Variants in NLRP3 observed in about 807,000 individuals in gnomAD.
NLRP3 encodes NLR family pyrin domain containing 3, also known as NACHT, LRR and PYD domains-containing protein 3.
In NLRP3, 48 loss-of-function variants were observed where a neutral mutation model predicts 91.3. The observed-to-expected ratio is 0.53, with a 90% CI of 0.42 to 0.67. The LOEUF is 0.67. Among genes scored for constraint, NLRP3 ranks in the 30% least tolerant of loss-of-function variants. The pLI is 0.00. For missense variants in NLRP3, 982 were observed against 1,276.9 expected (o/e 0.77, Z 3.52); for synonymous variants, 561 against 507.9 (o/e 1.10, Z -1.41).
Position 247,425,316 on chromosome 1 carries a change from CCCAG to C in NLRP3, c.1873_1876del (p.Gln625TrpfsTer94). 1 of 1,614,054 alleles carries C rather than the reference CCCAG, an allele frequency of 6.2e-7. No homozygotes were observed. The highest frequency in any genetic ancestry group is 1.7e-5 in the Admixed American group (1 of 59,998). ...CAAAGCTAAAAAGCTGCAGATCCAGCCCAGCCAGCTGGAATTGTTCTACTGTTTG... is the reference window on the plus strand; with the variant it reads ...CAAAGCTAAAAAGCTGCAGATCCAGCCCAGCTGGAATTGTTCTACTGTTTG... On this transcript the variant is annotated frameshift_variant, in exon 4 of 10. Coordinates refer to ENST00000336119, the MANE Select transcript of NLRP3 (RefSeq NM_001243133.2). LOFTEE classifies it high-confidence loss of function. This position sits in a 1 kb window ranked among gnomAD's most constrained non-coding sequence, Gnocchi z 4.1.
intron 5 of NLRP3, among the ~76,000 whole-genome samples, chr1:247,433,547 T>C (rs980218775): frequency 6.6e-6 from 1 of 152,082 alleles, no homozygotes; most frequent in Non-Finnish European, 1.5e-5. Flanking sequence ...CTGGGGAGAC[T>C]GGGGGCTGAC....
intron 2 of NLRP3, among the ~76,000 whole-genome samples, chr1:247,422,902 C>T (rs1662564088): frequency 6.6e-6 from 1 of 152,226 alleles, no homozygotes; most frequent in Admixed American, 6.5e-5. Context: ...CTGCCAGGGG[C>T]AGGCAAAAGC....
At chr1:247,427,324 C>T (rs925227775) in intron 4 of NLRP3, among the ~76,000 whole-genome samples, 1 of 152,178 alleles carries the variant, frequency 6.6e-6, no homozygotes, top group African/African-American at 2.4e-5. Context: ...GGCACACAAA[C>T]ATTCAGACCA....
intron 8 of NLRP3, 97 bp downstream of exon 8, chr1:247,444,239 A>G (rs1297957361): frequency 8.0e-7 from 1 of 1,246,606 alleles, no homozygotes; most frequent in East Asian, 2.3e-5. Flanking sequence ...TGTATCTTAG[A>G]AGTGAGGTGT....
At position 247,423,212 on chromosome 1, in the gene NLRP3, C is replaced by A; in HGVS notation, c.278-18C>A. ...TGATAATAGTTCTGGGTTTTGACACCTTTTTTTTCCCTTTTAGGTTCAGAT... is the reference window on the plus strand; with the variant it reads ...TGATAATAGTTCTGGGTTTTGACACATTTTTTTTCCCTTTTAGGTTCAGAT... On this transcript the variant is annotated intron_variant, in intron 2 of 9. Coordinates refer to ENST00000336119, the MANE Select transcript of NLRP3 (RefSeq NM_001243133.2). 6.2e-7 allele frequency: 1 copy of A among 1,612,576 alleles called. No individual in the cohort carries two copies.
intron 4 of NLRP3, among the ~76,000 whole-genome samples, chr1:247,427,275 G>A (rs960206783): frequency 2.0e-5 from 3 of 152,172 alleles, no homozygotes; most frequent in African/African-American, 4.8e-5. Flanking sequence ...CGCCTGATAC[G>A]TCATGTTGAG....
At position 247,434,151 on chromosome 1, in the gene NLRP3, G is replaced by A. The variant is rs752182392; in HGVS notation, c.2370G>A (p.Leu790=). Residue 790 remains leucine, a synonymous_variant, in exon 6 of 10, where the codon TTG becomes TTA. Coordinates refer to ENST00000336119, the MANE Select transcript of NLRP3 (RefSeq NM_001243133.2). ...LSHECCFDIS[L]VLSSNQKLVE... The stretch of plus-strand genomic sequence containing the variant: ...ATGAGTGCTGCTTCGACATCTCCTT[G>A]GTCCTCAGCAGCAACCAGAAGCTGG... The A allele has an allele frequency of 1.2e-6, 2 of 1,614,238 alleles. No homozygotes were observed. Among genetic ancestry groups the A allele is most frequent in the Admixed American group, 3.3e-5 (2 of 60,030 alleles).
intron 3 of NLRP3, among the ~76,000 whole-genome samples, 196 bp downstream of exon 3, chr1:247,423,545 G>T (rs1246162279): frequency 3.3e-5 from 5 of 152,114 alleles, no homozygotes; most frequent in Non-Finnish European, 5.9e-5. Flanking sequence ...CAGAGCCAGC[G>T]GCGGTGATTA....
Position 247,425,536 on chromosome 1 carries a change from G to T in NLRP3, c.2087G>T (p.Gly696Val). Residue 696 changes from glycine (G) to valine (V), a missense_variant, in exon 4 of 10, where the codon GGC (glycine) becomes GTC (valine). Around this residue, in one of 5 missense-constraint regions of NLRP3, gnomAD observed 373 missense variants for 431.5 expected, o/e 0.86. Coordinates refer to ENST00000336119, the MANE Select transcript of NLRP3 (RefSeq NM_001243133.2). This position sits in a 1 kb window ranked among gnomAD's most constrained non-coding sequence, Gnocchi z 4.1. The stretch of plus-strand genomic sequence containing the variant: ...GAGGAAGAGGAGGAGGAAAAGGAAG[G>T]CCGACACCTTGATATGGTGCAGTGT... ...PKEEEEEEKE[G>V]RHLDMVQCVL... 6.2e-7 allele frequency: 1 copy of T among 1,613,494 alleles called. No individual in the cohort carries two copies. Among genetic ancestry groups the T allele is most frequent in the Non-Finnish European group, 8.5e-7 (1 of 1,180,026 alleles).
chr1:247,434,408 TG>T, intron 6 of NLRP3, 135 bp downstream of exon 6: 1 of 888,764 alleles, frequency 1.1e-6, no homozygotes. Flanking sequence ...GTGCTTGTCT[TG>T]GGGTGTCTAG....
chr1:247,420,617 T>G (rs1295808542), intron 2 of NLRP3, among the ~76,000 whole-genome samples: 1 of 152,166 alleles, frequency 6.6e-6, no homozygotes, highest in Non-Finnish European at 1.5e-5. Context: ...CTCAGGAGGC[T>G]GAGGTAGGAG....
At chr1:247,419,133 A>C (rs1662265077) in intron 2 of NLRP3, 56 bp downstream of exon 2, 1 of 1,433,578 alleles carries the variant, frequency 7.0e-7, no homozygotes, top group Non-Finnish European at 9.5e-7. Context: ...ATAGTGTACA[A>C]TTTTCCATCT....
At chr1:247,435,794 T>C (rs1663747985) in intron 6 of NLRP3, among the ~76,000 whole-genome samples, 176 bp from the exon 7 acceptor site, 1 of 152,214 alleles carries the variant, frequency 6.6e-6, no homozygotes. Context: ...GCTTGGAGAA[T>C]GCTTACTTGT....
In NLRP3 at chr1:247,444,792, A is replaced by G. The variant is rs1441122731; in HGVS notation, c.2976A>G (p.Lys992=). The G allele has an allele frequency of 6.2e-7, 1 of 1,613,898 alleles. No homozygotes were observed. The highest frequency in any genetic ancestry group is 1.3e-5 in the African/African-American group (1 of 74,904). ...TCATGATGTTCTGTGAAGTGCTGAA[A>G]CAGCAGAGCTGCCTCCTGCAGAACC... The part of the protein sequence containing the change: ...LGVMMFCEVL[K]QQSCLLQNLG... Residue 992 remains lysine (K), a synonymous_variant, in exon 9 of 10, where the codon AAA becomes AAG. Transcript: ENST00000336119.
At chr1:247,423,103 T>G in intron 2 of NLRP3, 127 bp from the exon 3 acceptor site, 2 of 1,360,260 alleles carry the variant, frequency 1.5e-6, no homozygotes, top group Non-Finnish European at 2.1e-6. Context: ...CCTCTGCAAC[T>G]CAGAGCCATG....
intron 7 of NLRP3, 177 bp from the exon 8 acceptor site, chr1:247,443,795 T>C: frequency 1.5e-6 from 1 of 661,224 alleles, no homozygotes; most frequent in Non-Finnish European, 2.7e-6. Flanking sequence ...TTGTGTCTCC[T>C]GTGACAGCCA....
chr1:247,436,347 T>C (rs946731172), intron 7 of NLRP3, among the ~76,000 whole-genome samples: 5 of 152,208 alleles, frequency 3.3e-5, no homozygotes, highest in Admixed American at 3.3e-4. Flanking sequence ...ATTATAGAAC[T>C]AGAGTTTCTT....
chr1:247,418,777 C>A lies in NLRP3; in HGVS notation c.-24C>A. The A allele has an allele frequency of 6.2e-7, 1 of 1,612,984 alleles. No individual in the cohort carries two copies. ...CTTAGTGTGGACCGAAGCCTAAGGACCCTGAAAACAGCTGCAGATGAAGAT... is the reference window on the plus strand; with the variant it reads ...CTTAGTGTGGACCGAAGCCTAAGGAACCTGAAAACAGCTGCAGATGAAGAT... On this transcript the variant is annotated 5_prime_UTR_variant, in exon 2 of 10. Coordinates refer to ENST00000336119, the MANE Select transcript of NLRP3 (RefSeq NM_001243133.2).
Position 247,424,047 on chromosome 1 carries a change from C to A in NLRP3, c.598C>A (p.Pro200Thr), listed in dbSNP as rs1251625197. ...KTKTCESPVS[P>T]IKMELLFDPD... Reference sequence around the variant, plus strand: ...CAAGACGTGTGAGAGCCCCGTGAGTCCCATTAAGATGGAGTTGCTGTTTGA... The same window carrying A: ...CAAGACGTGTGAGAGCCCCGTGAGTACCATTAAGATGGAGTTGCTGTTTGA... The change falls in exon 4 of 10, where the codon CCC (proline) becomes ACC (threonine). Residue 200 changes from proline (P) to threonine (T), a missense_variant. By Grantham distance (38) the Pro-to-Thr change is conservative (BLOSUM62 -1). Coordinates refer to ENST00000336119, the MANE Select transcript of NLRP3 (RefSeq NM_001243133.2). The surrounding 1 kb of genome is among the most constrained non-coding windows in gnomAD (Gnocchi z 8.1). 2.5e-6 allele frequency: 4 copies of A among 1,613,878 alleles called. No homozygotes were observed. Among genetic ancestry groups the A allele is most frequent in the Non-Finnish European group, 3.4e-6 (4 of 1,180,008 alleles).
Sources: allele counts gnomAD v4.1 joint callset (sites outside exome capture counted in the v4.1 genomes callset), GRCh38; gene constraint gnomAD v4.1.1; regional missense constraint gnomAD v4.1.1; non-coding constraint Gnocchi (gnomAD v3.1); transcripts MANE v1.5; gene names NCBI Gene and HGNC (gene_info 2026-07-23, HGNC 2026-07-21).